Variants in APC observed in about 807,000 individuals in gnomAD.
APC encodes adenomatous polyposis coli protein.
Under a neutral mutation model 247.0 loss-of-function variants are expected in APC, and 72 were observed. The observed-to-expected ratio is 0.29, with a 90% CI of 0.24 to 0.35. The LOEUF (loss-of-function observed/expected upper bound fraction) is 0.35, where lower values mean the gene tolerates loss of function less well. Among genes scored for constraint, APC ranks in the 10% least tolerant of loss-of-function variants. The probability of loss-of-function intolerance (pLI) is 1.00; values close to 1 mark genes in which losing one functional copy is unlikely to be tolerated. For missense variants in APC, 3,400 were observed against 3,360.7 expected (o/e 1.01, Z -0.29); for synonymous variants, 1,254 against 1,162.5 (o/e 1.08, Z -1.60).
chr5:112,811,944 T>A (rs140976413), intron 8 of APC, among the ~76,000 whole-genome samples: 182 of 152,300 alleles, frequency 1.2e-3, no homozygotes, highest in African/African-American at 4.2e-3. Context: ...GATCTGCTTC[T>A]AAGTTCACTT....
At chr5:112,788,904 G>A (rs1026789705) in intron 6 of APC, among the ~76,000 whole-genome samples, 3 of 151,988 alleles carry the variant, frequency 2.0e-5, no homozygotes, top group Non-Finnish European at 2.9e-5. Flanking sequence ...TCCTTACAGC[G>A]TTTTTTCTTT....
chr5:112,709,770 T>C (rs1750742435), intron 1 of APC, among the ~76,000 whole-genome samples: 1 of 151,776 alleles, frequency 6.6e-6, no homozygotes, highest in Non-Finnish European at 1.5e-5. Flanking sequence ...CCAGGCATGG[T>C]GGTGCATGCC....
chr5:112,779,525 G>T (rs1758093974), intron 5 of APC, among the ~76,000 whole-genome samples: 1 of 152,094 alleles, frequency 6.6e-6, no homozygotes, highest in African/African-American at 2.4e-5. Flanking sequence ...TATTTTATAA[G>T]TATTTTTTAT....
At chr5:112,819,536 A>T (rs568271856) in intron 10 of APC, among the ~76,000 whole-genome samples, 192 bp downstream of exon 10, 13 of 152,208 alleles carry the variant, frequency 8.5e-5, no homozygotes, top group Non-Finnish European at 1.6e-4. Context: ...GGAAAATGTT[A>T]TGTGCACTAC....
rs2149788328 is a variant in APC, at chr5:112,767,262, C to G, written c.294C>G (p.Ser98Arg). 6.2e-7 allele frequency: 1 copy of G among 1,614,064 alleles called. No homozygotes were observed. The highest frequency in any genetic ancestry group is 8.5e-7 in the Non-Finnish European group (1 of 1,179,982). The stretch of plus-strand genomic sequence containing the variant: ...AAATGTCCCTCCGTTCTTATGGAAG[C>G]CGGGAAGGATCTGTATCAAGCCGTT... ...RSKMSLRSYG[S>R]REGSVSSRSG... The change falls in exon 4 of 16, where the codon AGC (serine) becomes AGG (arginine). Residue 98 changes from serine (S) to arginine (R), a missense_variant. By Grantham distance (110) the Ser-to-Arg change is moderately radical. Around this residue, in one of 9 missense-constraint regions of APC, gnomAD observed 372 missense variants for 367.6 expected, o/e 1.01. Coordinates refer to ENST00000257430, the MANE Select transcript of APC (RefSeq NM_000038.6).
chr5:112,767,103 T>A, intron 3 of APC, 86 bp from the exon 4 acceptor site: 1 of 1,168,014 alleles, frequency 8.6e-7, no homozygotes, highest in Non-Finnish European at 1.2e-6. Context: ...AAACCTAATA[T>A]TTCACTTTAA....
chr5:112,731,562 T>C (rs542189904), intron 1 of APC, among the ~76,000 whole-genome samples: 1 of 152,300 alleles, frequency 6.6e-6, no homozygotes, highest in Non-Finnish European at 1.5e-5. Flanking sequence ...CCCAACACTG[T>C]TGCATTGGGG....
At position 112,780,884 on chromosome 5, in the gene APC, A is replaced by G. The variant is rs1554072636; in HGVS notation, c.626A>G (p.Asp209Gly). The G allele has an allele frequency of 6.2e-7, 1 of 1,611,402 alleles. No individual in the cohort carries two copies. The highest frequency in any genetic ancestry group is 8.5e-7 in the Non-Finnish European group (1 of 1,177,908). Residue 209 changes from aspartate (D) to glycine (G), a missense_variant, in exon 6 of 16, where the codon GAT becomes GGT. Coordinates refer to ENST00000257430, the MANE Select transcript of APC (RefSeq NM_000038.6). ...GAAGAACAACTAGGTACCTGCCAGGATATGGAAAAACGAGCACAGGTAAGT... is the reference window on the plus strand; with the variant it reads ...GAAGAACAACTAGGTACCTGCCAGGGTATGGAAAAACGAGCACAGGTAAGT... ...AMEEQLGTCQ[D>G]MEKRAQRRIA...
chr5:112,764,657 T>G (rs780336038), intron 2 of APC, among the ~76,000 whole-genome samples: 2 of 152,158 alleles, frequency 1.3e-5, no homozygotes, highest in Non-Finnish European at 2.9e-5. Flanking sequence ...GCAAGTGAAG[T>G]TAGGATTCGA....
chr5:112,766,024 A>G (rs1371205530), intron 2 of APC, among the ~76,000 whole-genome samples: 2 of 152,286 alleles, frequency 1.3e-5, no homozygotes, highest in African/African-American at 4.8e-5. Context: ...CACTTGTTTT[A>G]TCTGAAAAAT....
Position 112,842,910 on chromosome 5 carries a change from G to A in APC, c.7316G>A (p.Arg2439His), listed in dbSNP as rs1221895599. The change falls in exon 16 of 16, where the codon CGC (arginine) becomes CAC (histidine). Residue 2439 changes from arginine to histidine, a missense_variant. This residue lies in a region of APC where 1,788 missense variants were observed against 1,649.5 expected (regional missense o/e 1.08). Coordinates refer to ENST00000257430, the MANE Select transcript of APC (RefSeq NM_000038.6). ...AGATCAGAAAGACCTGTATTAGTAC[G>A]CCAGTCAACTTTCATCAAAGAAGCT... is the stretch of plus-strand genomic sequence containing the variant. ...SDRSERPVLV[R>H]QSTFIKEAPS... is the part of the protein sequence containing the mutation. The A allele has an allele frequency of 1.9e-6, 3 of 1,613,970 alleles. No individual in the cohort carries two copies. The highest frequency in any genetic ancestry group is 2.5e-6 in the Non-Finnish European group (3 of 1,179,902).
intron 1 of APC, among the ~76,000 whole-genome samples, chr5:112,712,302 A>G (rs934092710): frequency 6.6e-6 from 1 of 152,144 alleles, no homozygotes; most frequent in Non-Finnish European, 1.5e-5. Flanking sequence ...TATCTTATAT[A>G]TACTACCCTA....
chr5:112,823,220 A>G (rs1041907992), intron 11 of APC: 7 of 152,662 alleles, frequency 4.6e-5, no homozygotes, highest in African/African-American at 1.2e-4. Flanking sequence ...CTGTATTCCA[A>G]TGGATTGTAG....
At chr5:112,778,586 G>C (rs1246937451) in intron 5 of APC, 1 of 140,544 alleles carries the variant, frequency 7.1e-6, no homozygotes, top group Non-Finnish European at 1.5e-5. Flanking sequence ...TCGCTCTGTC[G>C]CCCAGGCTGG....
At chr5:112,800,229 A>T (rs116068829) in intron 7 of APC, among the ~76,000 whole-genome samples, 1 of 152,158 alleles carries the variant, frequency 6.6e-6, no homozygotes, top group African/African-American at 2.4e-5. Flanking sequence ...GTTAGTGTCA[A>T]ATCTTTGTGG....
intron 2 of APC, among the ~76,000 whole-genome samples, chr5:112,765,259 C>T (rs1756151848): frequency 1.3e-5 from 2 of 152,108 alleles, no homozygotes; most frequent in Admixed American, 6.6e-5. Context: ...CACATGCCAC[C>T]ACTCATGGTT....
intron 6 of APC, chr5:112,783,880 A>G: frequency 3.3e-6 from 1 of 301,106 alleles, no homozygotes; most frequent in Non-Finnish European, 6.4e-6. Context: ...AATTAAGTTC[A>G]AGTGTCTAAT....
rs758440266 is a variant in APC at position 112,843,508 on chromosome 5, T to A, written c.7914T>A (p.Ala2638=). ...QTVSSGATNG[A]ESKTLIYQMA... ...TTTCCTCAGGTGCTACAAATGGTGC[T>A]GAATCAAAGACTCTAATTTATCAAA... The change falls in exon 16 of 16, where the codon GCT becomes GCA. Residue 2638 remains alanine, a synonymous_variant. Coordinates refer to ENST00000257430, the MANE Select transcript of APC (RefSeq NM_000038.6). The surrounding 1 kb of genome is among the most constrained non-coding windows in gnomAD (Gnocchi z 4.8). 1.9e-6 allele frequency: 3 copies of A among 1,613,918 alleles called. No homozygotes were observed. The highest frequency in any genetic ancestry group is 2.5e-6 in the Non-Finnish European group (3 of 1,179,794).
At chr5:112,765,514 A>C (rs574975424) in intron 2 of APC, among the ~76,000 whole-genome samples, 1 of 152,312 alleles carries the variant, frequency 6.6e-6, no homozygotes, top group East Asian at 1.9e-4. Flanking sequence ...TACTTTTCTT[A>C]TAGGGGAACG....
Sources: gnomAD v4.1 joint callset for allele counts (sites outside exome capture counted in the v4.1 genomes callset) on GRCh38, gnomAD v4.1.1 for gene constraint, gnomAD v4.1.1 regional missense constraint, Gnocchi (gnomAD v3.1) non-coding constraint, MANE v1.5 for transcripts, NCBI Gene and HGNC (gene_info 2026-07-23, HGNC 2026-07-21) for gene names.